RHBDD1: variants seen among roughly 807,000 people sequenced by gnomAD.
RHBDD1 encodes rhomboid domain containing 1, also known as rhomboid-related protein 4.
Under a neutral mutation model 36.3 loss-of-function variants are expected in RHBDD1, and 38 were observed. The ratio of observed to expected loss-of-function variants is 1.05; its 90% CI spans 0.81 to 1.37. RHBDD1 has a LOEUF of 1.37. Ranked by LOEUF, RHBDD1 falls within the 40% of genes most tolerant of loss-of-function variation. RHBDD1 has a pLI of 0.00. For missense variants in RHBDD1, 393 were observed against 377.6 expected, an observed-to-expected ratio of 1.04 and a Z score of -0.34; for synonymous variants, 151 against 136.5, an observed-to-expected ratio of 1.11 and a Z score of -0.74.
At chr2:226,831,967 T>C (rs950318852), upstream of RHBDD1, among the ~76,000 whole-genome samples, 9 of 151,920 alleles carry the variant, frequency 5.9e-5, no homozygotes, top group Non-Finnish European at 1.3e-4. Flanking sequence ...GTTTTTTTTT[T>C]TTTCTAAAAA....
chr2:226,886,591 A>G (rs983520521), intron 5 of RHBDD1, among the ~76,000 whole-genome samples: 1 of 152,210 alleles, frequency 6.6e-6, no homozygotes, highest in African/African-American at 2.4e-5. Flanking sequence ...TTAGGCTACA[A>G]AGGCAACTTC....
chr2:226,908,582 T>TACACACACACACAC (rs10559846), intron 6 of RHBDD1: 90 of 346,910 alleles, frequency 2.6e-4, no homozygotes, highest in African/African-American at 1.8e-3. Context: ...CATTTTCCAC[T>TACACACACACACAC]ACACACACAC....
the RHBDD1 span, among the ~76,000 whole-genome samples, chr2:226,820,708 T>C: frequency 3.3e-5 from 5 of 150,176 alleles, no homozygotes; most frequent in African/African-American, 1.2e-4. Flanking sequence ...CATGCACCTG[T>C]AGTCCCAGCT....
chr2:226,940,530 T>TTG (rs371887389), intron 8 of RHBDD1, among the ~76,000 whole-genome samples: 44 of 151,502 alleles, frequency 2.9e-4, no homozygotes, highest in East Asian at 5.8e-4. Context: ...ATTTATTTGC[T>TTG]TGTGTGTGTG....
intron 5 of RHBDD1, among the ~76,000 whole-genome samples, chr2:226,882,613 C>T (rs898532383): frequency 6.6e-6 from 1 of 151,456 alleles, no homozygotes; most frequent in Non-Finnish European, 1.5e-5. Context: ...ATGGAAACCG[C>T]CCCCCGCCCC....
At chr2:226,834,610 G>C (rs910108258), upstream of RHBDD1, among the ~76,000 whole-genome samples, 4 of 152,152 alleles carry the variant, frequency 2.6e-5, no homozygotes, top group African/African-American at 9.7e-5. Context: ...AATGGCAAAA[G>C]ATAAACTCTT....
At position 226,906,815 on chromosome 2, in the gene RHBDD1, G is replaced by T; in HGVS notation, c.589G>T (p.Ala197Ser). 1 of 1,614,086 alleles carries T rather than the reference G, an allele frequency of 6.2e-7. No homozygotes were observed. The highest frequency in any genetic ancestry group is 8.5e-7 in the Non-Finnish European group (1 of 1,179,988). Reference protein sequence around the residue: ...SPGTSFAGHLAGILVGLMYTQ... With the variant: ...SPGTSFAGHLSGILVGLMYTQ... Reference sequence around the variant, plus strand: ...TAGGACTTCCTTCGCTGGGCATCTGGCTGGGATTCTTGTTGGACTAATGTA... The same window carrying T: ...TAGGACTTCCTTCGCTGGGCATCTGTCTGGGATTCTTGTTGGACTAATGTA... The change falls in exon 6 of 9, where the codon GCT (alanine) becomes TCT (serine). Residue 197 changes from alanine (A) to serine (S), a missense_variant. Transcript: ENST00000392062.
At chr2:226,976,926 G>A (rs1187995711) in intron 8 of RHBDD1, among the ~76,000 whole-genome samples, 1 of 152,140 alleles carries the variant, frequency 6.6e-6, no homozygotes, top group Non-Finnish European at 1.5e-5. Flanking sequence ...CCCATTGAAA[G>A]AGCCATTATC....
At chr2:226,881,700 C>T (rs898558616) in intron 5 of RHBDD1, among the ~76,000 whole-genome samples, 3 of 152,172 alleles carry the variant, frequency 2.0e-5, no homozygotes, top group Non-Finnish European at 4.4e-5. Context: ...GTCATCAGCA[C>T]CATATGAAAG....
intron 8 of RHBDD1, among the ~76,000 whole-genome samples, chr2:226,929,805 A>G (rs989646680): frequency 2.6e-5 from 4 of 152,088 alleles, no homozygotes; most frequent in African/African-American, 9.6e-5. Flanking sequence ...GTCTTAGGTT[A>G]TAAAACTAAT....
At chr2:226,887,558 G>A (rs1188334668) in intron 5 of RHBDD1, among the ~76,000 whole-genome samples, 1 of 152,190 alleles carries the variant, frequency 6.6e-6, no homozygotes, top group Admixed American at 6.5e-5. Flanking sequence ...CCTCTTTCAG[G>A]CAGTTTTGTG....
chr2:226,806,668 C>G, the RHBDD1 span, among the ~76,000 whole-genome samples: 1 of 152,138 alleles, frequency 6.6e-6, no homozygotes, highest in African/African-American at 2.4e-5. Flanking sequence ...CAACGAAATA[C>G]AACTTACCCT....
chr2:226,866,277 G>A (rs542962387), intron 4 of RHBDD1, among the ~76,000 whole-genome samples: 10 of 152,192 alleles, frequency 6.6e-5, no homozygotes, highest in Admixed American at 5.2e-4. Flanking sequence ...TCACCATGCT[G>A]GCCAGGATGG....
At chr2:226,867,682 C>CA in intron 5 of RHBDD1, 2 of 978,222 alleles carry the variant, frequency 2.0e-6, no homozygotes, top group Non-Finnish European at 2.4e-6. Flanking sequence ...GATTAAAAAG[C>CA]TATAAGGTAT....
intron 3 of RHBDD1, among the ~76,000 whole-genome samples, chr2:226,853,731 T>A (rs2125106745): frequency 6.6e-6 from 1 of 152,344 alleles, no homozygotes; most frequent in Non-Finnish European, 1.5e-5. Context: ...TTTCGTCCCC[T>A]CTTGTGGTGA....
rs372116358 is a variant in RHBDD1, at chr2:226,956,452, T to C, written c.857-38979T>C. Among the ~76,000 whole-genome samples, 13 of 152,326 alleles carry C rather than the reference T, an allele frequency of 8.5e-5. No homozygotes were observed. The East Asian group carries it at 1.7e-3, about 20-fold the overall frequency. ...CATGCAAGCCTGGTGTTATCAGGTG[T>C]TACCTATCATCACCAGTCCCCAAGT... On this transcript the variant is annotated intron_variant, in intron 8 of 8. Coordinates refer to ENST00000392062, the MANE Select transcript of RHBDD1 (RefSeq NM_001167608.3).
intron 8 of RHBDD1, among the ~76,000 whole-genome samples, chr2:226,920,280 T>C (rs1232804442): frequency 2.6e-5 from 4 of 152,068 alleles, no homozygotes; most frequent in Non-Finnish European, 5.9e-5. Flanking sequence ...TATATCACTT[T>C]TAATAGTTTT....
chr2:226,830,135 A>C, the RHBDD1 span, among the ~76,000 whole-genome samples: 1 of 152,140 alleles, frequency 6.6e-6, no homozygotes, highest in Non-Finnish European at 1.5e-5. Context: ...GTTGCTCCAA[A>C]ATTCTTATGT....
intron 5 of RHBDD1, among the ~76,000 whole-genome samples, chr2:226,884,330 T>C (rs1946039074): frequency 6.6e-6 from 1 of 152,114 alleles, no homozygotes; most frequent in Admixed American, 6.5e-5. Context: ...GGCTATGAGT[T>C]GAAATCATTA....
Sources: allele counts gnomAD v4.1 joint callset (sites outside exome capture counted in the v4.1 genomes callset), GRCh38; gene constraint gnomAD v4.1.1; transcripts MANE v1.5; gene names NCBI Gene and HGNC (gene_info 2026-07-23, HGNC 2026-07-21).